Variants in GOT1L1 observed in about 807,000 individuals in gnomAD.
GOT1L1 encodes the protein glutamic-oxaloacetic transaminase 1 like 1, also known as aspartate aminotransferase, cytoplasmic 2.
In GOT1L1, 38 loss-of-function variants were observed where a neutral mutation model predicts 43.6. The ratio of observed to expected loss-of-function variants is 0.87; its 90% CI spans 0.67 to 1.14. The LOEUF (loss-of-function observed/expected upper bound fraction) is 1.14. GOT1L1 is among the 50% of genes most tolerant of loss of function. The pLI, the probability that GOT1L1 is intolerant of heterozygous loss-of-function variation, is 0.00. For missense variants in GOT1L1, 482 were observed against 504.0 expected (o/e 0.96, Z 0.42); for synonymous variants, 183 against 187.2 (o/e 0.98, Z 0.18).
At chr8:37,937,824 G>A (rs375882976) in intron 2 of GOT1L1, 75 bp from the exon 3 acceptor site, 15 of 945,582 alleles carry the variant, frequency 1.6e-5, no homozygotes, top group South Asian at 1.5e-4. Flanking sequence ...TTGGGAGGCT[G>A]GGGTGGGTGG....
chr8:37,936,852 A>T lies in GOT1L1; in HGVS notation c.631T>A (p.Phe211Ile). ...SMIKSKQIFPFFDIPCQGLYT... is the reference protein window; with the variant it reads ...SMIKSKQIFPIFDIPCQGLYT... ...AAACCTTGACAGGGAATATCAAAAA[A>T]TGGGAATATCTGCTTGCTCTGTAGG... is the stretch of plus-strand genomic sequence containing the variant. The change falls in exon 6 of 9, where the codon TTT becomes ATT. Residue 211 changes from phenylalanine (F) to isoleucine (I), a missense_variant. By Grantham distance (21) the Phe-to-Ile change is conservative. Transcript: ENST00000307599. 3 of 1,610,886 alleles carry T rather than the reference A, an allele frequency of 1.9e-6. No homozygotes were observed. The highest frequency in any genetic ancestry group is 1.7e-6 in the Non-Finnish European group (2 of 1,177,240).
At chr8:37,939,428 AAAAAT>A (rs1807855504) in intron 1 of GOT1L1, among the ~76,000 whole-genome samples, 1 of 55,258 alleles carries the variant, frequency 1.8e-5, no homozygotes, top group African/African-American at 8.4e-5. Context: ...AAAAAAAAAA[AAAAAT>A]ATATATATAT....
In GOT1L1 at chr8:37,935,219, C is replaced by T. The variant is rs1326882613; in HGVS notation, c.930-4G>A. On this transcript the variant is annotated splice_polypyrimidine_tract_variant and splice_region_variant and intron_variant, in intron 7 of 8. Transcript: ENST00000307599. ...AACTTCTTTTAGACTCTGCTTCCTA[C>T]CAAGGAAGGACAATGAGAAAGGAGG... 3 of 1,586,232 alleles carry T rather than the reference C, an allele frequency of 1.9e-6. No homozygotes were observed. Among genetic ancestry groups the T allele is most frequent in the South Asian group, 2.3e-5 (2 of 87,236 alleles).
Position 37,937,643 on chromosome 8 carries a change from T to G in GOT1L1, c.404A>C (p.Gln135Pro). 1.2e-6 allele frequency: 2 copies of G among 1,604,666 alleles called. No homozygotes were observed. The highest frequency in any genetic ancestry group is 1.7e-6 in the Non-Finnish European group (2 of 1,173,898). ...DARIVYIISS[Q>P]KELHGLVFQD... is the part of the protein sequence containing the mutation. The stretch of plus-strand genomic sequence containing the variant: ...TCATCTTGGGTAAGACTAACCTTTT[T>G]GAGAAGAGATGATGTAAACTATACG... Residue 135 changes from glutamine to proline, a missense_variant, in exon 3 of 9, where the codon CAA becomes CCA. Physicochemically the swap from Gln to Pro is moderately conservative, Grantham distance 76. Coordinates refer to ENST00000307599, the MANE Select transcript of GOT1L1 (RefSeq NM_152413.3).
rs754045758 is a variant in GOT1L1 at position 37,934,508 on chromosome 8, A to G, written c.1073-22T>C. On this transcript the variant is annotated intron_variant, in intron 8 of 8. Transcript: ENST00000307599. ...TGGGCTAAAATCATGACAAGGTCTCAGATCTCGAGACTGGCCATCTCGAAT... is the reference window on the plus strand; with the variant it reads ...TGGGCTAAAATCATGACAAGGTCTCGGATCTCGAGACTGGCCATCTCGAAT... 10 of 1,575,608 alleles carry G rather than the reference A, an allele frequency of 6.3e-6. No individual in the cohort carries two copies. In the Admixed American group the frequency reaches 1.7e-4, roughly 26 times the overall value.
chr8:37,938,868 A>G lies in GOT1L1; in HGVS notation c.129T>C (p.Asn43=), dbSNP rs200149702. 5 of 1,613,652 alleles carry G rather than the reference A, an allele frequency of 3.1e-6. No individual in the cohort carries two copies. Among genetic ancestry groups the G allele is most frequent in the East Asian group, 2.2e-5 (1 of 44,876 alleles). Residue 43 remains asparagine, a synonymous_variant, in exon 2 of 9, where the codon AAT becomes AAC. Transcript: ENST00000307599. ...CGAGAGAAACCCAGGGATGGCCTTC[A>G]TTTGTCATGCAGACTGTGAGGAAAA... is the stretch of plus-strand genomic sequence containing the variant. ...IFLAYRVCMT[N]EGHPWVSLVV...
chr8:37,939,384 A>G (rs1807851140), intron 1 of GOT1L1, among the ~76,000 whole-genome samples: 1 of 140,206 alleles, frequency 7.1e-6, no homozygotes, highest in South Asian at 2.3e-4. Context: ...ACTGCACTTC[A>G]GCCTGGGCAA....
At chr8:37,937,101 A>G in intron 4 of GOT1L1, 44 bp from the exon 5 acceptor site, 1 of 1,575,064 alleles carries the variant, frequency 6.3e-7, no homozygotes, top group South Asian at 1.1e-5. Flanking sequence ...CCCACCCAGG[A>G]GTGGCGGCCC....
chr8:37,934,880 G>C, intron 8 of GOT1L1, 193 bp downstream of exon 8: 1 of 637,230 alleles, frequency 1.6e-6, no homozygotes. Context: ...CGGGCACCCA[G>C]GCTGGTTTAT....
At chr8:37,937,114 G>A in intron 4 of GOT1L1, 57 bp from the exon 5 acceptor site, 2 of 1,507,116 alleles carry the variant, frequency 1.3e-6, no homozygotes, top group Non-Finnish European at 1.8e-6. Flanking sequence ...GGCGGCCCCA[G>A]GGCATTTGGG....
At chr8:37,936,601 T>C (rs1807762945) in intron 6 of GOT1L1, 119 bp downstream of exon 6, 3 of 874,164 alleles carry the variant, frequency 3.4e-6, no homozygotes, top group Admixed American at 2.6e-5. Context: ...TCTGCTTCTA[T>C]AGTGCTCTCC....
chr8:37,935,941 C>T lies in GOT1L1; in HGVS notation c.764-72G>A, dbSNP rs1807739904. 5 of 1,514,356 alleles carry T rather than the reference C, an allele frequency of 3.3e-6. No homozygotes were observed. In the South Asian group the frequency reaches 5.0e-5, roughly 15 times the overall value. 93.8% of individuals were successfully genotyped at this position (1,514,356 alleles called of 1,614,324 possible). On this transcript the variant is annotated intron_variant, in intron 6 of 8. Coordinates refer to ENST00000307599, the MANE Select transcript of GOT1L1 (RefSeq NM_152413.3). Reference sequence around the variant, plus strand: ...CCCAAGGCCTTCACCTAGATCTCAACCCCCAACCTTGCAGAAGAAAGGGTT... The same window carrying T: ...CCCAAGGCCTTCACCTAGATCTCAATCCCCAACCTTGCAGAAGAAAGGGTT...
At chr8:37,935,420 C>T (rs1302269783) in intron 7 of GOT1L1, among the ~76,000 whole-genome samples, 1 of 152,118 alleles carries the variant, frequency 6.6e-6, no homozygotes, top group Admixed American at 6.5e-5. Flanking sequence ...GCCAGAGTTG[C>T]AAGCCCCTGA....
intron 1 of GOT1L1, among the ~76,000 whole-genome samples, chr8:37,939,429 AAAATATATATAT>A (rs1173558400): frequency 7.6e-5 from 4 of 52,758 alleles, no homozygotes; most frequent in African/African-American, 1.5e-4. Context: ...AAAAAAAAAA[AAAATATATATAT>A]ATATATATAT....
chr8:37,939,431 A>AAAAAATATATAT (rs1237987679), intron 1 of GOT1L1, among the ~76,000 whole-genome samples: 12 of 41,700 alleles, frequency 2.9e-4, no homozygotes, highest in Non-Finnish European at 4.6e-4. Flanking sequence ...AAAAAAAAAA[A>AAAAAATATATAT]ATATATATAT....
rs1807689011 is a variant in GOT1L1, at chr8:37,934,371, A to G, written c.1188T>C (p.Asn396=). 2.5e-6 allele frequency: 4 copies of G among 1,613,068 alleles called. No individual in the cohort carries two copies. The highest frequency in any genetic ancestry group is 3.4e-6 in the Non-Finnish European group (4 of 1,179,084). Reference sequence around the variant, plus strand: ...AGCTCTCTGTGAGGAGGACAGCCTCATTGATGCCCTCAGTGATGTAATTTA... The same window carrying G: ...AGCTCTCTGTGAGGAGGACAGCCTCGTTGATGCCCTCAGTGATGTAATTTA... ...NNINYITEGI[N]EAVLLTESSE... is the part of the protein sequence containing the mutation. The change falls in exon 9 of 9, where the codon AAT becomes AAC. Residue 396 remains asparagine, a synonymous_variant. Coordinates refer to ENST00000307599, the MANE Select transcript of GOT1L1 (RefSeq NM_152413.3).
At chr8:37,937,527 C>T in intron 3 of GOT1L1, 111 bp downstream of exon 3, 1 of 1,027,718 alleles carries the variant, frequency 9.7e-7, no homozygotes, top group Non-Finnish European at 1.5e-6. Flanking sequence ...GGCTTGTCTG[C>T]CATTTTGCTC....
chr8:37,935,282 C>T, intron 7 of GOT1L1, 67 bp from the exon 8 acceptor site: 1 of 1,438,188 alleles, frequency 7.0e-7, no homozygotes, highest in Non-Finnish European at 9.4e-7. Flanking sequence ...TCCCTCATTG[C>T]CAGTCCACTC....
rs1807787840 is a variant in GOT1L1 at position 37,937,311 on chromosome 8, C to A, written c.485G>T (p.Cys162Phe). Residue 162 changes from cysteine to phenylalanine, a missense_variant, in exon 4 of 9, where the codon TGC (cysteine) becomes TTC (phenylalanine). Cys to Phe is a radical substitution (Grantham distance 205). Coordinates refer to ENST00000307599, the MANE Select transcript of GOT1L1 (RefSeq NM_152413.3). ...EYSVWDPKKL[C>F]MDPDILLNVV... ...ATTGAGGAGTATGTCGGGGTCCATG[C>A]ATAGCTTCTTGGGGTCCCAGACAGA... 1 of 1,609,220 alleles carries A rather than the reference C, an allele frequency of 6.2e-7. No individual in the cohort carries two copies. The highest frequency in any genetic ancestry group is 8.5e-7 in the Non-Finnish European group (1 of 1,178,226).
Sources: gnomAD v4.1 joint callset for allele counts (sites outside exome capture counted in the v4.1 genomes callset) on GRCh38, gnomAD v4.1.1 for gene constraint, MANE v1.5 for transcripts, NCBI Gene and HGNC (gene_info 2026-07-23, HGNC 2026-07-21) for gene names.